The following COL14A1 variants were observed in gnomAD, a reference collection of about 807,000 sequenced individuals.
COL14A1 encodes the protein collagen alpha-1(XIV) chain.
COL14A1 carries 136 observed loss-of-function variants against 230.3 expected under a neutral mutation model. That is an observed-to-expected ratio of 0.59 (90% CI 0.51 to 0.68). The LOEUF (loss-of-function observed/expected upper bound fraction) is 0.68, where lower values mean the gene tolerates loss of function less well. COL14A1 is among the 30% of genes least tolerant of loss of function. COL14A1 has a pLI of 0.00. For missense variants in COL14A1, 1,976 were observed against 2,215.8 expected, an observed-to-expected ratio of 0.89 and a Z score of 2.17; for synonymous variants, 792 against 784.1, an observed-to-expected ratio of 1.01 and a Z score of -0.17.
intron 19 of COL14A1, among the ~76,000 whole-genome samples, chr8:120,235,003 T>G (rs1246548445): frequency 1.3e-5 from 2 of 152,222 alleles, no homozygotes; most frequent in African/African-American, 2.4e-5. Context: ...TTGTTATTGG[T>G]CTTTTCAGGA....
intron 45 of COL14A1, among the ~76,000 whole-genome samples, chr8:120,349,083 A>C (rs1421766685): frequency 6.6e-6 from 1 of 152,108 alleles, no homozygotes; most frequent in African/African-American, 2.4e-5. Context: ...CTGACCCCTG[A>C]CCCCGAGCAG....
Position 120,312,307 on chromosome 8 carries a change from A to G in COL14A1, c.4456-1625A>G, listed in dbSNP as rs979203491. ...AGTGCTTCCACACGCTCACCTCCCAAAGAATTCTCAACCCACATATGCTTC... is the reference window on the plus strand; with the variant it reads ...AGTGCTTCCACACGCTCACCTCCCAGAGAATTCTCAACCCACATATGCTTC... On this transcript the variant is annotated intron_variant, in intron 37 of 47. Transcript: ENST00000297848. Among the ~76,000 whole-genome samples, 10 of 152,018 alleles carry G rather than the reference A, an allele frequency of 6.6e-5. No individual in the cohort carries two copies. In the East Asian group the frequency reaches 1.7e-3, roughly 26 times the overall value.
chr8:120,293,434 TA>T (rs1443098913), intron 34 of COL14A1, among the ~76,000 whole-genome samples: 1 of 151,360 alleles, frequency 6.6e-6, no homozygotes, highest in East Asian at 1.9e-4. Flanking sequence ...AGCTAATAGT[TA>T]TTACATCTCT....
intron 13 of COL14A1, among the ~76,000 whole-genome samples, chr8:120,215,159 C>G (rs909475073): frequency 6.6e-6 from 1 of 152,150 alleles, no homozygotes; most frequent in Non-Finnish European, 1.5e-5. Context: ...CACCTGAGGT[C>G]AGGAGTTCAA....
intron 1 of COL14A1, among the ~76,000 whole-genome samples, chr8:120,146,383 T>C (rs1409511543): frequency 1.3e-5 from 2 of 152,162 alleles, no homozygotes; most frequent in Non-Finnish European, 2.9e-5. Flanking sequence ...TGCTTCCTTC[T>C]TGCTTAGCTG....
At chr8:120,206,723 T>C (rs1423385026) in intron 9 of COL14A1, among the ~76,000 whole-genome samples, 1 of 152,254 alleles carries the variant, frequency 6.6e-6, no homozygotes, top group Non-Finnish European at 1.5e-5. Flanking sequence ...GAACTATGTC[T>C]TATTTAAGTT....
At position 120,226,730 on chromosome 8, in the gene COL14A1, G is replaced by A. The variant is rs142409666; in HGVS notation, c.1968G>A (p.Leu656=). The A allele has an allele frequency of 1.9e-4, 304 of 1,613,872 alleles. No individual in the cohort carries two copies. In the African/African-American group the frequency reaches 3.6e-3, roughly 19 times the overall value. ...CAGCTGATGAAGGGCTACACAAATTGATGTGGATTCCAGTCTATGGGGGGA... is the reference window on the plus strand; with the variant it reads ...CAGCTGATGAAGGGCTACACAAATTAATGTGGATTCCAGTCTATGGGGGGA... ...PLSADEGLHK[L]MWIPVYGGKT... Residue 656 remains leucine (L), a synonymous_variant, in exon 16 of 48, where the codon TTG becomes TTA. Coordinates refer to ENST00000297848, the MANE Select transcript of COL14A1 (RefSeq NM_021110.4).
At chr8:120,181,781 A>AC (rs916271025) in intron 5 of COL14A1, among the ~76,000 whole-genome samples, 9 of 151,884 alleles carry the variant, frequency 5.9e-5, no homozygotes, top group South Asian at 4.2e-4. Context: ...TGAAACATAG[A>AC]CCCCCCCAAA....
intron 40 of COL14A1, among the ~76,000 whole-genome samples, chr8:120,328,850 A>G (rs902020276): frequency 6.6e-6 from 1 of 151,842 alleles, no homozygotes. Context: ...GATTCCCCTC[A>G]CTTGTTTTTG....
In COL14A1 at chr8:120,281,963, C is replaced by CT. The variant is rs1284876054; in HGVS notation, c.3824+913dup. Among the ~76,000 whole-genome samples the CT allele has an allele frequency of 2.1e-3, 319 of 151,594 alleles. 2 individuals are homozygous for CT. The highest frequency in any genetic ancestry group is 6.5e-3 in the African/African-American group (270 of 41,350). ...AGACACATTTGCCTTATTCTTGTTT[C>CT]TTTTTTTTTATTATACTTTAAGTTT... On this transcript the variant is annotated intron_variant, in intron 31 of 47. Coordinates refer to ENST00000297848, the MANE Select transcript of COL14A1 (RefSeq NM_021110.4).
At chr8:120,192,836 A>T (rs1309694231) in intron 5 of COL14A1, among the ~76,000 whole-genome samples, 2 of 151,986 alleles carry the variant, frequency 1.3e-5, no homozygotes, top group Non-Finnish European at 2.9e-5. Context: ...AGTTGATCGC[A>T]TTGGCTCCTG....
At chr8:120,194,419 A>C (rs1204386014) in intron 5 of COL14A1, among the ~76,000 whole-genome samples, 1 of 152,092 alleles carries the variant, frequency 6.6e-6, no homozygotes, top group Non-Finnish European at 1.5e-5. Flanking sequence ...CCCAAAATCT[A>C]AGACCTTGAC....
At chr8:120,214,736 T>C (rs1817698336) in intron 13 of COL14A1, among the ~76,000 whole-genome samples, 1 of 151,106 alleles carries the variant, frequency 6.6e-6, no homozygotes, top group Admixed American at 6.6e-5. Context: ...GATTACAATA[T>C]CCTGGGGGAG....
chr8:120,337,055 A>T (rs1822102710), intron 42 of COL14A1, among the ~76,000 whole-genome samples: 1 of 152,196 alleles, frequency 6.6e-6, no homozygotes, highest in Admixed American at 6.5e-5. Flanking sequence ...ACCCCAGCTC[A>T]GTGTCTAACA....
At chr8:120,340,270 T>A (rs1822248251) in intron 42 of COL14A1, among the ~76,000 whole-genome samples, 1 of 152,166 alleles carries the variant, frequency 6.6e-6, no homozygotes, top group Non-Finnish European at 1.5e-5. Context: ...AGCACATTTG[T>A]AGCTTGAAAT....
chr8:120,205,062 A>G (rs553451390), intron 9 of COL14A1, among the ~76,000 whole-genome samples: 31 of 151,848 alleles, frequency 2.0e-4, no homozygotes, highest in African/African-American at 7.5e-4. Context: ...TTGACTTCCC[A>G]CTAGGCCTTT....
At chr8:120,266,351 A>T (rs1173004556) in intron 24 of COL14A1, among the ~76,000 whole-genome samples, 1 of 152,100 alleles carries the variant, frequency 6.6e-6, no homozygotes, top group Non-Finnish European at 1.5e-5. Flanking sequence ...TTCCAGATGC[A>T]GTCTGAGCAG....
chr8:120,349,110 C>T (rs1025871566), intron 45 of COL14A1, among the ~76,000 whole-genome samples: 2 of 152,110 alleles, frequency 1.3e-5, no homozygotes, highest in African/African-American at 4.8e-5. Context: ...TGGGAGGCAC[C>T]CCCCAGCAGG....
At chr8:120,185,340 G>A (rs1042927872) in intron 5 of COL14A1, among the ~76,000 whole-genome samples, 3 of 152,192 alleles carry the variant, frequency 2.0e-5, no homozygotes, top group African/African-American at 7.2e-5. Flanking sequence ...AATACATATT[G>A]GACAAAACAT....
Sources: gnomAD v4.1 joint callset for allele counts (sites outside exome capture counted in the v4.1 genomes callset) on GRCh38, gnomAD v4.1.1 for gene constraint, MANE v1.5 for transcripts, NCBI Gene and HGNC (gene_info 2026-07-23, HGNC 2026-07-21) for gene names.